Variants in EML6 observed in about 807,000 individuals in gnomAD.
The protein encoded by EML6 is echinoderm microtubule-associated protein-like 6.
Under a neutral mutation model 240.1 loss-of-function variants are expected in EML6, and 154 were observed. The ratio of observed to expected loss-of-function variants is 0.64; its 90% confidence interval spans 0.56 to 0.73. The LOEUF (loss-of-function observed/expected upper bound fraction) is 0.73, where lower values mean the gene tolerates loss of function less well. EML6 is among the 30% of genes least tolerant of loss of function. EML6 has a pLI of 0.00. For synonymous variants in EML6, 1,148 were observed against 899.0 expected (o/e 1.28, Z -4.95); for missense variants, 2,964 against 2,474.6 (o/e 1.20, Z -4.20).
At chr2:54,848,409 A>G (rs6732667) in intron 9 of EML6, among the ~76,000 whole-genome samples, 6,063 of 152,128 alleles carry the variant, frequency 0.04, 421 homozygotes, top group African/African-American at 0.14. Flanking sequence ...ACTACCAACC[A>G]CACATAACTC....
At position 54,844,969 on chromosome 2, in the gene EML6, C is replaced by T. The variant is rs189436160; in HGVS notation, c.1049+721C>T. On this transcript the variant is annotated intron_variant, in intron 8 of 41. Coordinates refer to ENST00000356458, the MANE Select transcript of EML6 (RefSeq NM_001039753.4). ...CTTAGTGCTGAGCTTTAGATATGCT[C>T]AATGACAAACAGGCCAGAAAGAGGG... 1.1e-3 allele frequency among the ~76,000 whole-genome samples: 163 copies of T among 152,266 alleles called. 2 individuals carry two copies. The highest frequency in any genetic ancestry group is 3.4e-3 in the Middle Eastern group (1 of 294).
intron 16 of EML6, 82 bp downstream of exon 16, chr2:54,871,687 A>G: frequency 2.0e-6 from 2 of 981,454 alleles, no homozygotes; most frequent in Non-Finnish European, 3.2e-6. Flanking sequence ...GCATGCGCGC[A>G]CGCGTGTGTG....
intron 10 of EML6, 167 bp downstream of exon 10, chr2:54,850,385 A>G (rs1463587566): frequency 1.7e-6 from 1 of 604,990 alleles, no homozygotes; most frequent in Non-Finnish European, 2.9e-6. Flanking sequence ...CTGTCGCAAG[A>G]TCCTAAATAA....
chr2:54,750,415 G>GT (rs1241588836), intron 2 of EML6, among the ~76,000 whole-genome samples: 2 of 152,186 alleles, frequency 1.3e-5, no homozygotes, highest in African/African-American at 2.4e-5. Flanking sequence ...CACCACCACA[G>GT]TTTTTTGGTG....
At position 54,950,888 on chromosome 2, in the gene EML6, A is replaced by C. The variant is rs547733760; in HGVS notation, c.4213+109A>C. ...AGCATTTTCCTTCCCTTATAGAGCC[A>C]TTCCCCCCAATTCCAGCATGGTCTC... On this transcript the variant is annotated intron_variant, in intron 30 of 41. Coordinates refer to ENST00000356458, the MANE Select transcript of EML6 (RefSeq NM_001039753.4). The C allele has an allele frequency of 9.7e-6, 11 of 1,136,608 alleles. No individual in the cohort carries two copies. In the African/African-American group the frequency reaches 1.7e-4, roughly 18 times the overall value. The allele number at this position is 1,136,608 out of a possible 1,614,324, so 70.4% of individuals were successfully genotyped here.
rs149221789 is a variant in EML6, at chr2:54,853,946, A to T, written c.1657+91A>T. On this transcript the variant is annotated intron_variant, in intron 11 of 41. Coordinates refer to ENST00000356458, the MANE Select transcript of EML6 (RefSeq NM_001039753.4). ...GCTGATCTTCCTGCTGTCTATTCCA[A>T]TGCACTGTTTATTTTATCTTGTATA... The T allele has an allele frequency of 6.1e-3, 4,136 of 683,358 alleles. 19 individuals are homozygous for T. The highest frequency in any genetic ancestry group is 0.01 in the South Asian group (338 of 32,398). 42.3% of individuals were successfully genotyped at this position (683,358 alleles called of 1,614,324 possible).
chr2:54,851,756 T>C (rs1203636732), intron 10 of EML6, among the ~76,000 whole-genome samples: 1 of 152,204 alleles, frequency 6.6e-6, no homozygotes, highest in African/African-American at 2.4e-5. Context: ...ACCTAAAAAG[T>C]TGACTAAATG....
intron 5 of EML6, among the ~76,000 whole-genome samples, chr2:54,825,764 C>A (rs950426101): frequency 3.3e-5 from 5 of 152,186 alleles, no homozygotes; most frequent in Non-Finnish European, 1.5e-5. Flanking sequence ...CCACCCCCAG[C>A]TGCCTGAATC....
chr2:54,912,505 C>G (rs1673695417), intron 25 of EML6, among the ~76,000 whole-genome samples: 1 of 152,166 alleles, frequency 6.6e-6, no homozygotes, highest in Non-Finnish European at 1.5e-5. Flanking sequence ...CAAATTATTG[C>G]ATCACCCAGG....
intron 11 of EML6, among the ~76,000 whole-genome samples, chr2:54,858,586 C>CT (rs1244902253): frequency 6.6e-6 from 1 of 152,192 alleles, no homozygotes; most frequent in East Asian, 1.9e-4. Context: ...GGCAAGTTTG[C>CT]TTTTGAGACC....
At chr2:54,748,919 A>G (rs150165327) in intron 2 of EML6, among the ~76,000 whole-genome samples, 323 of 152,278 alleles carry the variant, frequency 2.1e-3, no homozygotes, top group Middle Eastern at 0.014. Context: ...CTAAGCCTTC[A>G]TATCGATGGA....
intron 2 of EML6, among the ~76,000 whole-genome samples, chr2:54,730,301 T>G (rs1683098000): frequency 6.6e-6 from 1 of 152,176 alleles, no homozygotes; most frequent in African/African-American, 2.4e-5. Flanking sequence ...CAATTGAACT[T>G]GTTGGATTTG....
chr2:54,754,891 C>T (rs1420326121), intron 2 of EML6, among the ~76,000 whole-genome samples: 1 of 152,184 alleles, frequency 6.6e-6, no homozygotes, highest in Non-Finnish European at 1.5e-5. Context: ...CTACTGGCCA[C>T]TTAAAATGTG....
intron 28 of EML6, among the ~76,000 whole-genome samples, chr2:54,931,673 T>C (rs1674872785): frequency 6.6e-6 from 1 of 152,178 alleles, no homozygotes; most frequent in Non-Finnish European, 1.5e-5. Flanking sequence ...GGGTGCTTTT[T>C]CTAAACACTT....
chr2:54,952,440 C>A (rs948832251), intron 30 of EML6, among the ~76,000 whole-genome samples, 154 bp from the exon 31 acceptor site: 9 of 152,202 alleles, frequency 5.9e-5, no homozygotes, highest in Non-Finnish European at 1.3e-4. Context: ...AACGACCCTT[C>A]ATCTCCCCAA....
chr2:54,829,253 T>C (rs941976774), intron 6 of EML6, 89 bp from the exon 7 acceptor site: 17 of 1,299,240 alleles, frequency 1.3e-5, no homozygotes, highest in Non-Finnish European at 1.5e-5. Flanking sequence ...GTTTTTGACT[T>C]GCTATGTTTT....
rs904111200 is a variant in EML6 at position 54,843,960 on chromosome 2, G to A, written c.848-87G>A. The stretch of plus-strand genomic sequence containing the variant: ...CCTGGTTAAAGGGCATTTACTTTAG[G>A]GTTTTGTGTGTGTGTGTGTGTGTGT... On this transcript the variant is annotated intron_variant, in intron 7 of 41. Coordinates refer to ENST00000356458, the MANE Select transcript of EML6 (RefSeq NM_001039753.4). The A allele has an allele frequency of 7.0e-6, 7 of 998,868 alleles. No individual in the cohort carries two copies. In the Admixed American group the frequency reaches 1.3e-4, roughly 19 times the overall value. 61.9% of individuals were successfully genotyped at this position (998,868 alleles called of 1,614,324 possible).
intron 2 of EML6, among the ~76,000 whole-genome samples, chr2:54,802,687 A>G (rs570348159): frequency 7.0e-6 from 1 of 142,442 alleles, no homozygotes; most frequent in South Asian, 2.3e-4. Flanking sequence ...ACTACTACCA[A>G]TAATAATAAT....
chr2:54,727,957 A>G (rs1369498988), intron 2 of EML6, among the ~76,000 whole-genome samples: 3 of 152,206 alleles, frequency 2.0e-5, no homozygotes, highest in Non-Finnish European at 1.5e-5. Flanking sequence ...GGCTCAGCAT[A>G]TGTGTCCTTC....
Sources: allele counts gnomAD v4.1 joint callset (sites outside exome capture counted in the v4.1 genomes callset), GRCh38; gene constraint gnomAD v4.1.1; transcripts MANE v1.5; gene names NCBI Gene and HGNC (gene_info 2026-07-23, HGNC 2026-07-21).